The following RABGAP1L variants were observed in gnomAD, a reference collection of about 807,000 sequenced individuals.
RABGAP1L encodes the protein rab GTPase-activating protein 1-like.
A neutral mutation model predicts 137.7 loss-of-function variants in RABGAP1L; 63 were observed. The ratio of observed to expected loss-of-function variants is 0.46; its 90% CI spans 0.37 to 0.56. RABGAP1L has a LOEUF of 0.56. RABGAP1L is among the 20% of genes least tolerant of loss of function. The pLI, the probability that RABGAP1L is intolerant of heterozygous loss-of-function variation, is 0.00. For missense variants in RABGAP1L, 1,095 were observed against 1,244.0 expected, an observed-to-expected ratio of 0.88 and a Z score of 1.80; for synonymous variants, 431 against 433.7, an observed-to-expected ratio of 0.99 and a Z score of 0.08.
At chr1:174,188,384 T>C (rs540556548) in intron 1 of RABGAP1L, among the ~76,000 whole-genome samples, 24 of 152,364 alleles carry the variant, frequency 1.6e-4, no homozygotes, top group African/African-American at 5.0e-4. Flanking sequence ...ATGTTTCTTA[T>C]ACTTTTCTGG....
intron 11 of RABGAP1L, among the ~76,000 whole-genome samples, chr1:174,323,184 C>T (rs1680158190): frequency 6.6e-6 from 1 of 151,940 alleles, no homozygotes; most frequent in Admixed American, 6.6e-5. Context: ...TGTTTTGTGG[C>T]ATATATATTA....
chr1:174,279,605 C>A (rs536657622), intron 10 of RABGAP1L, among the ~76,000 whole-genome samples: 3 of 152,180 alleles, frequency 2.0e-5, no homozygotes, highest in African/African-American at 7.2e-5. Flanking sequence ...TGGCGCATCT[C>A]GGCTTTATAT....
intron 4 of RABGAP1L, among the ~76,000 whole-genome samples, chr1:174,233,556 A>G (rs373845923): frequency 1.0e-4 from 15 of 143,232 alleles, no homozygotes; most frequent in Middle Eastern, 6.9e-3. Context: ...GAGAATGATG[A>G]TTTCCAATTT....
intron 13 of RABGAP1L, among the ~76,000 whole-genome samples, chr1:174,486,363 T>A (rs1229464872): frequency 1.3e-5 from 2 of 151,680 alleles, no homozygotes; most frequent in Admixed American, 1.3e-4. Flanking sequence ...TTTTTTTTTT[T>A]TTAGACGGAG....
At chr1:174,627,382 T>C (rs1673004187) in intron 13 of RABGAP1L, among the ~76,000 whole-genome samples, 1 of 152,230 alleles carries the variant, frequency 6.6e-6, no homozygotes, top group African/African-American at 2.4e-5. Context: ...CATTCATTTC[T>C]TTCTCACAAT....
At chr1:174,285,465 G>C (rs1488846285) in intron 10 of RABGAP1L, among the ~76,000 whole-genome samples, 4 of 150,642 alleles carry the variant, frequency 2.7e-5, no homozygotes, top group African/African-American at 9.7e-5. Flanking sequence ...AGAAATACAA[G>C]CAAATTTTGA....
intron 13 of RABGAP1L, among the ~76,000 whole-genome samples, chr1:174,561,464 C>T (rs1667207750): frequency 6.6e-6 from 1 of 152,188 alleles, no homozygotes; most frequent in Admixed American, 6.5e-5. Context: ...ATGTTATCCC[C>T]ATCAAGCTAC....
chr1:174,456,162 T>C (rs1656019836), intron 13 of RABGAP1L, among the ~76,000 whole-genome samples: 1 of 152,126 alleles, frequency 6.6e-6, no homozygotes, highest in Non-Finnish European at 1.5e-5. Flanking sequence ...TTTGAGATCA[T>C]AGAAATTTTT....
At chr1:174,178,031 G>C (rs765390977) in intron 1 of RABGAP1L, among the ~76,000 whole-genome samples, 1 of 152,188 alleles carries the variant, frequency 6.6e-6, no homozygotes, top group Non-Finnish European at 1.5e-5. Context: ...GTCAATGGTA[G>C]CTTGATGGGA....
intron 17 of RABGAP1L, among the ~76,000 whole-genome samples, chr1:174,722,415 T>G (rs7520862): frequency 6.6e-6 from 1 of 152,114 alleles, no homozygotes; most frequent in Non-Finnish European, 1.5e-5. Context: ...AACATGAATA[T>G]GACTAGCTTT....
chr1:174,708,667 C>T (rs1200168098), intron 17 of RABGAP1L, among the ~76,000 whole-genome samples: 1 of 152,206 alleles, frequency 6.6e-6, no homozygotes, highest in Non-Finnish European at 1.5e-5. Flanking sequence ...GAGATTCCCT[C>T]GGGTGCCTGC....
intron 13 of RABGAP1L, among the ~76,000 whole-genome samples, chr1:174,421,859 A>C (rs6663591): frequency 0.5 from 75,717 of 152,048 alleles, 21,418 homozygotes; most frequent in African/African-American, 0.78. Flanking sequence ...AACTCTGCAT[A>C]CTGGGTTCAA....
chr1:174,944,432 C>T (rs954287748), intron 19 of RABGAP1L, among the ~76,000 whole-genome samples: 1 of 151,664 alleles, frequency 6.6e-6, no homozygotes, highest in Non-Finnish European at 1.5e-5. Context: ...TCACTTGAGC[C>T]CAGGAGTTCA....
In RABGAP1L at chr1:174,371,922, A is replaced by G. The variant is rs144183407; in HGVS notation, c.1559+850A>G. Among the ~76,000 whole-genome samples, 254 of 152,272 alleles carry G rather than the reference A, an allele frequency of 1.7e-3. 2 individuals are homozygous for G. Among genetic ancestry groups the G allele is most frequent in the African/African-American group, 5.8e-3 (240 of 41,560 alleles). On this transcript the variant is annotated intron_variant, in intron 12 of 25. Transcript: ENST00000681986. ...AGTTTCCTTAGTTGTAATTTAGGAA[A>G]TATGTATTTACAGTTCCAACGGTTG...
At chr1:174,642,613 G>C (rs544257479) in intron 14 of RABGAP1L, among the ~76,000 whole-genome samples, 34 of 151,964 alleles carry the variant, frequency 2.2e-4, no homozygotes, top group Non-Finnish European at 3.8e-4. Context: ...TGAAATGTCA[G>C]CATTTACTGA....
intron 13 of RABGAP1L, among the ~76,000 whole-genome samples, chr1:174,519,180 G>T (rs1351162023): frequency 6.7e-6 from 1 of 150,232 alleles, no homozygotes; most frequent in Non-Finnish European, 1.5e-5. Context: ...AAACTCCCAT[G>T]TGTAAATATA....
Position 174,349,402 on chromosome 1 carries a change from G to T in RABGAP1L, c.1466-21577G>T, listed in dbSNP as rs1209148662. On this transcript the variant is annotated intron_variant, in intron 11 of 25. Transcript: ENST00000681986. ...TCCCGGACGGGGCGGCTGGCCGGGT[G>T]GGGGGCTGACCCCCCCACCTCCCTC... Among the ~76,000 whole-genome samples, 596 of 133,020 alleles carry T rather than the reference G, an allele frequency of 4.5e-3. 6 individuals carry two copies. The highest frequency in any genetic ancestry group is 0.017 in the African/African-American group (561 of 32,700). The allele number at this position is 133,020 out of a possible 152,430, so 87.3% of individuals were successfully genotyped here.
At chr1:174,215,125 C>T (rs927285958) in intron 1 of RABGAP1L, among the ~76,000 whole-genome samples, 5 of 152,074 alleles carry the variant, frequency 3.3e-5, no homozygotes, top group South Asian at 2.1e-4. Context: ...ATATAAGGAG[C>T]GCAAACAACT....
chr1:174,957,664 A>T (rs1668680053), intron 20 of RABGAP1L, 115 bp downstream of exon 20: 2 of 964,990 alleles, frequency 2.1e-6, no homozygotes, highest in Non-Finnish European at 1.6e-6. Context: ...CAATCCTCCC[A>T]CTCCAGTCTC....
Sources: gnomAD v4.1 joint callset for allele counts (sites outside exome capture counted in the v4.1 genomes callset) on GRCh38, gnomAD v4.1.1 for gene constraint, MANE v1.5 for transcripts, NCBI Gene and HGNC (gene_info 2026-07-23, HGNC 2026-07-21) for gene names.